The following RIMBP2 variants were observed in gnomAD, a reference collection of about 807,000 sequenced individuals.
RIMBP2 encodes the protein RIMS binding protein 2.
Under a neutral mutation model 118.6 loss-of-function variants are expected in RIMBP2, and 48 were observed. The ratio of observed to expected loss-of-function variants is 0.40; its 90% CI spans 0.32 to 0.51. The LOEUF (loss-of-function observed/expected upper bound fraction) is 0.51, where lower values mean the gene tolerates loss of function less well. Ranked by LOEUF, RIMBP2 falls within the 20% of genes least tolerant of loss-of-function variation. The probability of loss-of-function intolerance (pLI) is 0.41; values close to 1 mark genes in which losing one functional copy is unlikely to be tolerated. For missense variants in RIMBP2, 1,551 were observed against 1,768.3 expected (o/e 0.88, Z 2.20); for synonymous variants, 762 against 742.9 (o/e 1.03, Z -0.42).
At chr12:130,635,104 A>G (rs1448282803) in intron 1 of RIMBP2, among the ~76,000 whole-genome samples, 1 of 152,258 alleles carries the variant, frequency 6.6e-6, no homozygotes, top group Non-Finnish European at 1.5e-5. Flanking sequence ...TTCTCCTTCC[A>G]GGGTTTCTTG....
intron 14 of RIMBP2, among the ~76,000 whole-genome samples, chr12:130,433,845 C>T (rs2077317898): frequency 2.0e-5 from 3 of 152,258 alleles, no homozygotes; most frequent in Non-Finnish European, 4.4e-5. Context: ...AAATCCACCT[C>T]GCAGCCTCTA....
chr12:130,493,877 C>A (rs749491995), intron 4 of RIMBP2, among the ~76,000 whole-genome samples: 31 of 152,192 alleles, frequency 2.0e-4, no homozygotes, highest in Non-Finnish European at 3.4e-4. Context: ...TAGCCTGTTA[C>A]ATTTACCCGG....
At chr12:130,663,011 G>A (rs1415692875) in intron 1 of RIMBP2, among the ~76,000 whole-genome samples, 1 of 152,178 alleles carries the variant, frequency 6.6e-6, no homozygotes, top group Non-Finnish European at 1.5e-5. Flanking sequence ...CAGAATCTCT[G>A]TGGGTGGGAA....
Position 130,399,721 on chromosome 12 carries a change from G to A in RIMBP2, c.3858C>T (p.Ser1286=), listed in dbSNP as rs1216897016. 3.1e-6 allele frequency: 5 copies of A among 1,614,144 alleles called. No homozygotes were observed. The highest frequency in any genetic ancestry group is 4.2e-6 in the Non-Finnish European group (5 of 1,180,006). Residue 1286 remains serine (S), a synonymous_variant, in exon 22 of 23, where the codon TCC becomes TCT. Transcript: ENST00000690449. ...GCATTGGCGTATCTTGAGAGTAGTGGGATGGAGCATCAGAAAGATAGACTT... is the reference window on the plus strand; with the variant it reads ...GCATTGGCGTATCTTGAGAGTAGTGAGATGGAGCATCAGAAAGATAGACTT... ...DVEVYLSDAP[S]HYSQDTPMRS...
intron 17 of RIMBP2, among the ~76,000 whole-genome samples, chr12:130,417,398 T>C (rs1431812848): frequency 6.6e-6 from 1 of 152,224 alleles, no homozygotes; most frequent in Non-Finnish European, 1.5e-5. Flanking sequence ...TGGAATGCTA[T>C]GCAGCCAGAG....
intron 4 of RIMBP2, among the ~76,000 whole-genome samples, chr12:130,492,625 G>A (rs200811733): frequency 1.3e-5 from 2 of 152,300 alleles, no homozygotes; most frequent in East Asian, 3.9e-4. Context: ...AGTGGCTCCC[G>A]GCTGTGAGCC....
chr12:130,406,024 A>G, intron 21 of RIMBP2, 148 bp downstream of exon 21: 3 of 618,390 alleles, frequency 4.9e-6, no homozygotes, highest in South Asian at 4.2e-5. Context: ...GCAAAGTTCT[A>G]TAACTCAGCC....
At chr12:130,512,094 A>T (rs1027114866) in intron 3 of RIMBP2, among the ~76,000 whole-genome samples, 16 of 152,176 alleles carry the variant, frequency 1.1e-4, no homozygotes, top group African/African-American at 3.4e-4. Flanking sequence ...AAATTAAAAC[A>T]CGATAAATAT....
chr12:130,521,131 C>T (rs780725271), intron 2 of RIMBP2, among the ~76,000 whole-genome samples: 1 of 152,202 alleles, frequency 6.6e-6, no homozygotes, highest in Non-Finnish European at 1.5e-5. Context: ...TGCTGAAAGG[C>T]AAGATGGCTT....
At chr12:130,433,354 G>C (rs572962068) in intron 14 of RIMBP2, among the ~76,000 whole-genome samples, 1 of 152,196 alleles carries the variant, frequency 6.6e-6, no homozygotes, top group Non-Finnish European at 1.5e-5. Flanking sequence ...CTGCATGTGC[G>C]TGTGACTCCT....
Position 130,441,858 on chromosome 12 carries a change from C to T in RIMBP2, c.1494G>A (p.Thr498=), listed in dbSNP as rs114027702. Residue 498 remains threonine (T), a synonymous_variant, in exon 11 of 23, where the codon ACG becomes ACA. Transcript: ENST00000690449. The part of the protein sequence containing the change: ...EKKEAFVEFS[T]LPAGPPAPPQ... The stretch of plus-strand genomic sequence containing the variant: ...GGACACAGGGCTCACCTGCAGGCAA[C>T]GTGGAGAACTCCACAAAGGCCTCCT... 4,609 of 1,613,344 alleles carry T rather than the reference C, an allele frequency of 2.9e-3. 115 individuals are homozygous for T. The African/African-American group carries it at 0.052, about 18-fold the overall frequency.
intron 2 of RIMBP2, among the ~76,000 whole-genome samples, chr12:130,626,016 G>A (rs2061598933): frequency 6.6e-6 from 1 of 152,112 alleles, no homozygotes. Context: ...ATTCATTGAA[G>A]AAACTGATAC....
intron 2 of RIMBP2, among the ~76,000 whole-genome samples, chr12:130,579,526 G>A (rs546560433): frequency 3.0e-4 from 45 of 152,216 alleles, no homozygotes; most frequent in African/African-American, 1.1e-3. Context: ...TCCCTTTGCT[G>A]GTTTTGCTGG....
chr12:130,528,515 T>C (rs1300118861), intron 2 of RIMBP2, among the ~76,000 whole-genome samples: 1 of 152,186 alleles, frequency 6.6e-6, no homozygotes, highest in Non-Finnish European at 1.5e-5. Context: ...GCTTAATACC[T>C]AGGTGATGAG....
chr12:130,698,528 G>A (rs2065683183), intron 1 of RIMBP2, among the ~76,000 whole-genome samples: 1 of 152,160 alleles, frequency 6.6e-6, no homozygotes, highest in African/African-American at 2.4e-5. Flanking sequence ...GGCTGAGGTG[G>A]GTGGATCTCT....
At position 130,622,800 on chromosome 12, in the gene RIMBP2, T is replaced by C. The variant is rs1193389813; in HGVS notation, c.-217+5522A>G. On this transcript the variant is annotated intron_variant, in intron 2 of 22. Transcript: ENST00000690449. The surrounding 1 kb of genome is among the most constrained non-coding windows in gnomAD (Gnocchi z 8.5). ...CTCCACTAGGCTGATAGTCGCAAAATTCTCCACAAAAGGCATAGAAGACAA... is the reference window on the plus strand; with the variant it reads ...CTCCACTAGGCTGATAGTCGCAAAACTCTCCACAAAAGGCATAGAAGACAA... Among the ~76,000 whole-genome samples, 1 of 152,166 alleles carries C rather than the reference T, an allele frequency of 6.6e-6. No individual in the cohort carries two copies. The highest frequency in any genetic ancestry group is 1.5e-5 in the Non-Finnish European group (1 of 68,028).
In RIMBP2 at chr12:130,545,975, A is replaced by G. The variant is rs190943655; in HGVS notation, c.-216-28058T>C. On this transcript the variant is annotated intron_variant, in intron 2 of 22. Transcript: ENST00000690449. ...CGCAGTAGGGAAAAAATCTTAACAC[A>G]GCTTGGGTAAAGAAATGACTAAGAG... Among the ~76,000 whole-genome samples the G allele has an allele frequency of 5.2e-4, 79 of 152,300 alleles. No homozygotes were observed. In the East Asian group the frequency reaches 9.3e-3, roughly 18 times the overall value.
At chr12:130,651,026 G>A (rs1222663290) in intron 1 of RIMBP2, among the ~76,000 whole-genome samples, 1 of 151,530 alleles carries the variant, frequency 6.6e-6, no homozygotes, top group African/African-American at 2.4e-5. Flanking sequence ...AAGGATGCTT[G>A]GCGGAGGCTG....
At chr12:130,464,086 G>T (rs6486541) in intron 6 of RIMBP2, among the ~76,000 whole-genome samples, 1 of 152,034 alleles carries the variant, frequency 6.6e-6, no homozygotes. Flanking sequence ...ACCCTCCCCC[G>T]ACAAAAACTC....
Sources: gnomAD v4.1 joint callset for allele counts (sites outside exome capture counted in the v4.1 genomes callset) on GRCh38, gnomAD v4.1.1 for gene constraint, Gnocchi (gnomAD v3.1) non-coding constraint, MANE v1.5 for transcripts, NCBI Gene and HGNC (gene_info 2026-07-23, HGNC 2026-07-21) for gene names.